The following KAZN variants were observed in gnomAD, a reference collection of about 807,000 sequenced individuals.
The protein encoded by KAZN is kazrin.
Under a neutral mutation model 87.4 loss-of-function variants are expected in KAZN, and 40 were observed. The observed-to-expected ratio is 0.46, with a 90% CI of 0.36 to 0.60. KAZN has a LOEUF of 0.60. Ranked by LOEUF, KAZN falls within the 20% of genes least tolerant of loss-of-function variation. The pLI is 0.00. For missense variants in KAZN, 898 were observed against 1,073.9 expected (o/e 0.84, Z 2.29); for synonymous variants, 466 against 458.3 (o/e 1.02, Z -0.22).
chr1:15,042,039 G>A (rs941220743), intron 3 of KAZN, among the ~76,000 whole-genome samples: 7 of 152,290 alleles, frequency 4.6e-5, no homozygotes, highest in Middle Eastern at 3.4e-3. Flanking sequence ...TCCTGCTGCC[G>A]CGGAATATGA....
intron 1 of KAZN, among the ~76,000 whole-genome samples, chr1:14,102,000 G>C (rs147345249): frequency 6.6e-6 from 1 of 152,028 alleles, no homozygotes; most frequent in East Asian, 1.9e-4. Context: ...TGAACTTCAG[G>C]ATATTTTTAA....
chr1:14,632,758 A>G (rs1679663725), intron 1 of KAZN, among the ~76,000 whole-genome samples: 1 of 151,972 alleles, frequency 6.6e-6, no homozygotes, highest in Non-Finnish European at 1.5e-5. Flanking sequence ...TCCCGCAGGT[A>G]CCCTCTGCAG....
At chr1:14,874,326 C>T (rs1652501970) in intron 1 of KAZN, among the ~76,000 whole-genome samples, 1 of 152,062 alleles carries the variant, frequency 6.6e-6, no homozygotes. Flanking sequence ...GACATGTGTC[C>T]GGAAGAGAGT....
chr1:14,210,041 T>C (rs1328956688), intron 2 of KAZN, among the ~76,000 whole-genome samples: 1 of 152,186 alleles, frequency 6.6e-6, no homozygotes, highest in Non-Finnish European at 1.5e-5. Flanking sequence ...GCGGTGGTGC[T>C]GGTTTCTGTA....
intron 1 of KAZN, among the ~76,000 whole-genome samples, chr1:14,810,324 A>G (rs536317743): frequency 1.3e-5 from 2 of 149,744 alleles, no homozygotes; most frequent in East Asian, 2.0e-4. Flanking sequence ...TTTCTTCAGA[A>G]CTCTTATCAT....
intron 2 of KAZN, among the ~76,000 whole-genome samples, chr1:14,386,561 C>T (rs1331640215): frequency 6.6e-6 from 1 of 151,874 alleles, no homozygotes; most frequent in Non-Finnish European, 1.5e-5. Flanking sequence ...TTTATTTCTC[C>T]TTCACTTATG....
intron 1 of KAZN, among the ~76,000 whole-genome samples, chr1:14,857,893 AC>A (rs1358275422): frequency 6.6e-6 from 1 of 152,084 alleles, no homozygotes; most frequent in African/African-American, 2.4e-5. Context: ...TCACTTCTTA[AC>A]CAATTTTAGA....
chr1:15,027,273 G>C (rs1671272227), intron 2 of KAZN, among the ~76,000 whole-genome samples: 1 of 151,656 alleles, frequency 6.6e-6, no homozygotes, highest in Non-Finnish European at 1.5e-5. Flanking sequence ...GTAGAGACGG[G>C]GTTTCACCAT....
intron 1 of KAZN, among the ~76,000 whole-genome samples, chr1:14,017,296 C>A (rs1236500448): frequency 6.6e-6 from 1 of 152,204 alleles, no homozygotes; most frequent in African/African-American, 2.4e-5. Flanking sequence ...TCAGAGCCCT[C>A]AAATCTGTGT....
intron 2 of KAZN, among the ~76,000 whole-genome samples, chr1:14,302,307 G>A (rs548690059): frequency 1.3e-5 from 2 of 152,300 alleles, no homozygotes; most frequent in African/African-American, 2.4e-5. Context: ...TCAAATCAAC[G>A]CAGAACATAA....
At chr1:15,003,286 C>T (rs1416190987) in intron 2 of KAZN, among the ~76,000 whole-genome samples, 1 of 152,076 alleles carries the variant, frequency 6.6e-6, no homozygotes, top group Non-Finnish European at 1.5e-5. Flanking sequence ...CAGTGGGTGC[C>T]GGTTAGCTGT....
intron 1 of KAZN, among the ~76,000 whole-genome samples, chr1:14,071,440 G>C (rs767848632): frequency 6.6e-6 from 1 of 152,134 alleles, no homozygotes; most frequent in Non-Finnish European, 1.5e-5. Context: ...AGTACAAAGG[G>C]TTGCTACAGT....
In KAZN at chr1:14,966,590, G is replaced by A. The variant is rs181656886; in HGVS notation, c.418+5715G>A. Among the ~76,000 whole-genome samples, 8 of 152,298 alleles carry A rather than the reference G, an allele frequency of 5.3e-5. 1 individual carries two copies. Among genetic ancestry groups the A allele is most frequent in the Admixed American group, 3.3e-4 (5 of 15,300 alleles). On this transcript the variant is annotated intron_variant, in intron 2 of 14. Coordinates refer to ENST00000376030, the MANE Select transcript of KAZN (RefSeq NM_201628.3). ...GTTTCTTGAAGGTTTGTTGCAGTGC[G>A]CATCTGAAACCTAATCCTTTGTACT...
rs532316596 is a variant in KAZN at position 14,528,787 on chromosome 1, A to G, written c.250-70196A>G. On this transcript the variant is annotated intron_variant, in intron 2 of 16. Coordinates refer to the KAZN transcript ENST00000636203. ...AAAAAAAAAATAGACAGCTCTCCTCACTCTCCTGACTCTTCTTTTCTCCAG... is the reference window on the plus strand; with the variant it reads ...AAAAAAAAAATAGACAGCTCTCCTCGCTCTCCTGACTCTTCTTTTCTCCAG... 6.7e-4 allele frequency among the ~76,000 whole-genome samples: 97 copies of G among 144,508 alleles called. 1 individual carries two copies. Among genetic ancestry groups the G allele is most frequent in the Non-Finnish European group, 1.2e-3 (79 of 66,586 alleles). The allele number at this position is 144,508 out of a possible 152,430, so 94.8% of individuals were successfully genotyped here.
intron 2 of KAZN, among the ~76,000 whole-genome samples, chr1:14,203,085 G>A (rs1264168287): frequency 1.3e-5 from 2 of 151,874 alleles, no homozygotes; most frequent in African/African-American, 4.8e-5. Flanking sequence ...GAATTCTTAT[G>A]ATAAAAAGTA....
At chr1:14,154,601 T>C (rs1190598453) in intron 1 of KAZN, among the ~76,000 whole-genome samples, 2 of 152,210 alleles carry the variant, frequency 1.3e-5, no homozygotes. Context: ...TTTCTGCTTT[T>C]CCCCATTAAG....
intron 2 of KAZN, among the ~76,000 whole-genome samples, chr1:14,302,151 A>G (rs1342246387): frequency 6.6e-6 from 1 of 152,148 alleles, no homozygotes; most frequent in African/African-American, 2.4e-5. Context: ...ATCTTTCTCT[A>G]TTTCCGAACT....
intron 2 of KAZN, among the ~76,000 whole-genome samples, chr1:14,484,488 A>G (rs1207377290): frequency 2.0e-5 from 3 of 152,232 alleles, no homozygotes; most frequent in East Asian, 3.8e-4. Context: ...TTTAAAGACA[A>G]TATTCTGTGC....
intron 2 of KAZN, among the ~76,000 whole-genome samples, chr1:15,027,070 CTTTTTTTTT>C (rs71000358): frequency 7.1e-4 from 40 of 56,120 alleles, no homozygotes; most frequent in Middle Eastern, 0.019. Context: ...GCCAGTGCTT[CTTTTTTTTT>C]TTTTTTTTTT....
Sources: gnomAD v4.1 joint callset for allele counts (sites outside exome capture counted in the v4.1 genomes callset) on GRCh38, gnomAD v4.1.1 for gene constraint, MANE v1.5 for transcripts, NCBI Gene and HGNC (gene_info 2026-07-23, HGNC 2026-07-21) for gene names.